Variants in WNT4 observed in about 807,000 individuals in gnomAD.
WNT4 encodes protein Wnt-4.
WNT4 carries 16 observed loss-of-function variants against 34.5 expected under a neutral mutation model. That is an observed-to-expected ratio of 0.46 (90% CI 0.31 to 0.70). WNT4 has a LOEUF of 0.70. Among genes scored for constraint, WNT4 ranks in the 30% least tolerant of loss-of-function variants. WNT4 has a pLI of 0.04. For missense variants in WNT4, 379 were observed against 495.9 expected (o/e 0.76, Z 2.24); for synonymous variants, 200 against 211.9 (o/e 0.94, Z 0.49).
At chr1:22,126,207 C>T (rs894133800) in intron 2 of WNT4, among the ~76,000 whole-genome samples, 1 of 152,196 alleles carries the variant, frequency 6.6e-6, no homozygotes. Flanking sequence ...ATCATCATTT[C>T]ACTGTCCATC....
chr1:22,121,113 G>A lies in WNT4; in HGVS notation c.588+98C>T, dbSNP rs902392937. 1.1e-5 allele frequency: 18 copies of A among 1,571,516 alleles called. No individual in the cohort carries two copies. The African/African-American group carries it at 2.5e-4, about 21-fold the overall frequency. On this transcript the variant is annotated intron_variant, in intron 4 of 4. Coordinates refer to ENST00000290167, the MANE Select transcript of WNT4 (RefSeq NM_030761.5). Reference sequence around the variant, plus strand: ...AGGTGCCAGGTGCTGGTGAGAGCCTGCACAAATGTTTTCTGAGTGGCCGTG... The same window carrying A: ...AGGTGCCAGGTGCTGGTGAGAGCCTACACAAATGTTTTCTGAGTGGCCGTG...
intron 2 of WNT4, among the ~76,000 whole-genome samples, chr1:22,122,394 C>T (rs1645906536): frequency 6.6e-6 from 1 of 152,168 alleles, no homozygotes; most frequent in South Asian, 2.1e-4. Context: ...GTCTGTCTGC[C>T]TCTGCCTCAT....
Position 22,119,733 on chromosome 1 carries a change from A to C in WNT4, c.*317T>G. ...TGGTGGTAATACTCCTTGTTACTCCACCTTAGGTCTGCAAGTAGAAAAACG... is the reference window on the plus strand; with the variant it reads ...TGGTGGTAATACTCCTTGTTACTCCCCCTTAGGTCTGCAAGTAGAAAAACG... On this transcript the variant is annotated 3_prime_UTR_variant, in exon 5 of 5. Transcript: ENST00000290167. 1 of 473,012 alleles carries C rather than the reference A, an allele frequency of 2.1e-6. No homozygotes were observed. The highest frequency in any genetic ancestry group is 3.9e-6 in the Non-Finnish European group (1 of 257,146). 29.3% of individuals were successfully genotyped at this position (473,012 alleles called of 1,614,324 possible). A position where few individuals can be genotyped will look rare whatever the true frequency, so the allele number is the denominator to read the frequency against.
Position 22,142,803 on chromosome 1 carries a change from TGCCCCGCCCC to T in WNT4, c.77+33_77+42del, listed in dbSNP as rs748888002. 41 of 1,108,998 alleles carry T rather than the reference TGCCCCGCCCC, an allele frequency of 3.7e-5. 1 individual carries two copies. In the South Asian group the frequency reaches 4.3e-4, roughly 12 times the overall value. 68.7% of individuals were successfully genotyped at this position (1,108,998 alleles called of 1,614,324 possible). A position where few individuals can be genotyped will look rare whatever the true frequency, so the allele number is the denominator to read the frequency against. On this transcript the variant is annotated intron_variant, in intron 1 of 4. Transcript: ENST00000290167. The surrounding 1 kb of genome is among the most constrained non-coding windows in gnomAD (Gnocchi z 6.0). ...GGCACCGGCCGCTGCCCCCGGGGCC[TGCCCCGCCCC>T]GCCCCGCCCCGCTCGGCCCCGGCCA...
chr1:22,142,049 T>C lies in WNT4; in HGVS notation c.77+797A>G, dbSNP rs1182608792. Among the ~76,000 whole-genome samples the C allele has an allele frequency of 3.3e-5, 5 of 152,190 alleles. No homozygotes were observed. The highest frequency in any genetic ancestry group is 2.4e-5 in the African/African-American group (1 of 41,446). ...GCTTGCTCCCTGTCCACCCACTCAC[T>C]GGAGCTCATCCCTTTAGTCTCCCTC... On this transcript the variant is annotated intron_variant, in intron 1 of 4. Coordinates refer to ENST00000290167, the MANE Select transcript of WNT4 (RefSeq NM_030761.5). The surrounding 1 kb of genome is among the most constrained non-coding windows in gnomAD (Gnocchi z 6.0).
At position 22,117,624 on chromosome 1, in the gene WNT4, C is replaced by T. The variant is rs988513417; in HGVS notation, c.*2426G>A. ...GAGCTGGGCATGTCCAAAGAAGCTC[C>T]TTTTCCTGTGGCTGTGGATTTCTTT... On this transcript the variant is annotated 3_prime_UTR_variant, in exon 5 of 5. Coordinates refer to ENST00000290167, the MANE Select transcript of WNT4 (RefSeq NM_030761.5). 6.6e-6 allele frequency: 1 copy of T among 152,410 alleles called. No homozygotes were observed. The highest frequency in any genetic ancestry group is 2.4e-5 in the African/African-American group (1 of 41,480). The allele number at this position is 152,410 out of a possible 1,614,324, so 9.4% of individuals were successfully genotyped here. A position where few individuals can be genotyped will look rare whatever the true frequency, so the allele number is the denominator to read the frequency against.
chr1:22,133,746 G>GCTA (rs1646000612), intron 1 of WNT4, among the ~76,000 whole-genome samples: 1 of 152,216 alleles, frequency 6.6e-6, no homozygotes, highest in Non-Finnish European at 1.5e-5. Flanking sequence ...CCCTGCTGCT[G>GCTA]CTACCAGCCA....
rs1217238202 is a variant in WNT4 at position 22,142,981 on chromosome 1, C to A, written c.-59G>T. The stretch of plus-strand genomic sequence containing the variant: ...GCTGCGGCCGCGGGGGGCCTCCCGT[C>A]GGGGCTGCAGGTGGGCGCCCGCGGG... On this transcript the variant is annotated 5_prime_UTR_variant, in exon 1 of 5. Coordinates refer to ENST00000290167, the MANE Select transcript of WNT4 (RefSeq NM_030761.5). This position sits in a 1 kb window ranked among gnomAD's most constrained non-coding sequence, Gnocchi z 6.0. The A allele has an allele frequency of 7.4e-6, 7 of 949,780 alleles. No individual in the cohort carries two copies. The African/African-American group carries it at 1.3e-4, about 17-fold the overall frequency. The allele number at this position is 949,780 out of a possible 1,614,324, so 58.8% of individuals were successfully genotyped here.
chr1:22,128,265 G>T (rs1292035357), intron 2 of WNT4, among the ~76,000 whole-genome samples: 1 of 152,214 alleles, frequency 6.6e-6, no homozygotes, highest in Non-Finnish European at 1.5e-5. Flanking sequence ...GGCCGTCCAG[G>T]ACCACAGGTG....
rs59437586 is a variant in WNT4 at position 22,130,126 on chromosome 1, T to A, written c.78-275A>T. ...GGAAGCTCATCGAGCCCCTACGGGATCCCTCCCTGCCCTGGCAGCCCCCGT... is the reference window on the plus strand; with the variant it reads ...GGAAGCTCATCGAGCCCCTACGGGAACCCTCCCTGCCCTGGCAGCCCCCGT... On this transcript the variant is annotated intron_variant, in intron 1 of 4. Coordinates refer to ENST00000290167, the MANE Select transcript of WNT4 (RefSeq NM_030761.5). 2.9e-3 allele frequency among the ~76,000 whole-genome samples: 445 copies of A among 152,236 alleles called. 6 individuals are homozygous for A. Among genetic ancestry groups the A allele is most frequent in the African/African-American group, 0.01 (419 of 41,548 alleles).
intron 2 of WNT4, among the ~76,000 whole-genome samples, chr1:22,122,226 T>A (rs891338225): frequency 1.3e-5 from 2 of 152,158 alleles, no homozygotes; most frequent in African/African-American, 4.8e-5. Context: ...CAACCCCTAC[T>A]GTGGCTAATT....
intron 2 of WNT4, chr1:22,127,265 T>G (rs1166571832): frequency 3.9e-6 from 2 of 516,194 alleles, no homozygotes; most frequent in African/African-American, 1.9e-5. Context: ...CTAGTAGGAA[T>G]CTCAGTGTCC....
Position 22,129,714 on chromosome 1 carries a change from T to C in WNT4, c.215A>G (p.Gln72Arg), listed in dbSNP as rs1021110925. 1.9e-6 allele frequency: 3 copies of C among 1,613,810 alleles called. No individual in the cohort carries two copies. The African/African-American group carries it at 4.0e-5, about 22-fold the overall frequency. Reference protein sequence around the residue: ...EVMDSVRRGAQLAIEECQYQF... With the variant: ...EVMDSVRRGARLAIEECQYQF... ...GTACTGGCACTCCTCAATGGCCAGC[T>C]GGGCACCGCGGCGCACCGAGTCCAT... Residue 72 changes from glutamine to arginine, a missense_variant, in exon 2 of 5, where the codon CAG becomes CGG. Physicochemically the swap from Gln to Arg is conservative, Grantham distance 43. Transcript: ENST00000290167.
rs1439412769 is a variant in WNT4 at position 22,120,389 on chromosome 1, A to G, written c.717T>C (p.Asp239=). The change falls in exon 5 of 5, where the codon GAT becomes GAC. Residue 239 remains aspartate, a synonymous_variant. Coordinates refer to ENST00000290167, the MANE Select transcript of WNT4 (RefSeq NM_030761.5). ...QVGHALKEKF[D]GATEVEPRRV... ...GGCGTGGCTCCACCTCAGTGGCACCATCAAACTTCTCCTTCAGTGCGTGAC... is the reference window on the plus strand; with the variant it reads ...GGCGTGGCTCCACCTCAGTGGCACCGTCAAACTTCTCCTTCAGTGCGTGAC... 1.2e-6 allele frequency: 2 copies of G among 1,614,166 alleles called. No homozygotes were observed. The highest frequency in any genetic ancestry group is 2.2e-5 in the East Asian group (1 of 44,878).
At position 22,129,652 on chromosome 1, in the gene WNT4, C is replaced by T. The variant is rs761324441; in HGVS notation, c.277G>A (p.Asp93Asn). ...ACCTTGCCGAAGACGGGCAAGGAGT[C>T]GAGTGTGGAGCAGTTCCAGCGCCGG... ...RNRRWNCSTL[D>N]SLPVFGKVVT... is the part of the protein sequence containing the mutation. The change falls in exon 2 of 5, where the codon GAC becomes AAC. Residue 93 changes from aspartate (D) to asparagine (N), a missense_variant. By Grantham distance (23) the Asp-to-Asn change is conservative. Coordinates refer to ENST00000290167, the MANE Select transcript of WNT4 (RefSeq NM_030761.5). 2.9e-5 allele frequency: 46 copies of T among 1,613,620 alleles called. No homozygotes were observed. The highest frequency in any genetic ancestry group is 2.1e-4 in the South Asian group (19 of 91,082).
intron 2 of WNT4, among the ~76,000 whole-genome samples, chr1:22,128,793 C>T (rs1485505970): frequency 6.6e-6 from 1 of 151,898 alleles, no homozygotes; most frequent in Non-Finnish European, 1.5e-5. Flanking sequence ...GATCTCAGCT[C>T]ACTGCAAGCT....
chr1:22,129,880 G>A, intron 1 of WNT4, 29 bp from the exon 2 acceptor site: 1 of 1,610,140 alleles, frequency 6.2e-7, no homozygotes, highest in Non-Finnish European at 8.5e-7. Context: ...GTGATGCAGA[G>A]CCCACCTCCT....
intron 1 of WNT4, among the ~76,000 whole-genome samples, chr1:22,138,364 G>A (rs1646037844): frequency 6.6e-6 from 1 of 151,950 alleles, no homozygotes; most frequent in Admixed American, 6.6e-5. Context: ...GGTTGTGAAA[G>A]ATCTTTGCCA....
At chr1:22,121,048 A>AC (rs1318074561) in intron 4 of WNT4, among the ~76,000 whole-genome samples, 163 bp downstream of exon 4, 1 of 151,828 alleles carries the variant, frequency 6.6e-6, no homozygotes, top group Non-Finnish European at 1.5e-5. Context: ...GCCTGTCTGT[A>AC]CCCCCCTCTG....
Sources: allele counts gnomAD v4.1 joint callset (sites outside exome capture counted in the v4.1 genomes callset), GRCh38; gene constraint gnomAD v4.1.1; non-coding constraint Gnocchi (gnomAD v3.1); transcripts MANE v1.5; gene names NCBI Gene and HGNC (gene_info 2026-07-23, HGNC 2026-07-21).